Variants in NAV3 observed in about 807,000 individuals in gnomAD.
NAV3 encodes the protein pore membrane and/or filament interacting like protein 1.
Under a neutral mutation model 244.7 loss-of-function variants are expected in NAV3, and 87 were observed. The observed-to-expected ratio is 0.36, with a 90% CI of 0.30 to 0.42. The LOEUF is 0.42. Ranked by LOEUF, NAV3 falls within the 20% of genes least tolerant of loss-of-function variation. NAV3 has a pLI of 1.00. For missense variants in NAV3, 2,663 were observed against 2,893.3 expected (o/e 0.92, Z 1.83); for synonymous variants, 1,126 against 1,042.2 (o/e 1.08, Z -1.55).
At chr12:78,010,669 C>G (rs1405905184) in intron 8 of NAV3, among the ~76,000 whole-genome samples, 4 of 151,930 alleles carry the variant, frequency 2.6e-5, no homozygotes, top group Admixed American at 2.6e-4. Context: ...AGTACACTTG[C>G]AAAATTCTCA....
At chr12:78,126,352 C>A (rs1446769640) in intron 16 of NAV3, among the ~76,000 whole-genome samples, 2 of 152,132 alleles carry the variant, frequency 1.3e-5, no homozygotes, top group Non-Finnish European at 2.9e-5. Context: ...AGCTATAATT[C>A]TGCAATTTTA....
At chr12:77,923,203 G>A (rs1258686695) in intron 1 of NAV3, among the ~76,000 whole-genome samples, 3 of 152,018 alleles carry the variant, frequency 2.0e-5, no homozygotes, top group African/African-American at 7.2e-5. Context: ...TGTCATAGTG[G>A]TATGTGGTAA....
intron 2 of NAV3, among the ~76,000 whole-genome samples, chr12:77,769,630 G>C (rs1452373994): frequency 6.6e-6 from 1 of 152,138 alleles, no homozygotes. Flanking sequence ...TAGTAAACTT[G>C]AGTCATTAAA....
chr12:77,679,141 T>C (rs1429835746), intron 2 of NAV3, among the ~76,000 whole-genome samples: 1 of 152,182 alleles, frequency 6.6e-6, no homozygotes, highest in East Asian at 1.9e-4. Flanking sequence ...ACTCTGGATT[T>C]TTTTTAACCT....
intron 1 of NAV3, among the ~76,000 whole-genome samples, chr12:77,883,404 T>TGGG (rs1882901748): frequency 6.6e-6 from 1 of 151,960 alleles, no homozygotes. Context: ...CACATGGAGA[T>TGGG]AACCATGGGA....
chr12:78,175,218 A>G, intron 24 of NAV3, 88 bp from the exon 25 acceptor site: 1 of 1,437,414 alleles, frequency 7.0e-7, no homozygotes, highest in Non-Finnish European at 9.5e-7. Flanking sequence ...CCTTTATTAG[A>G]GAACTGCCTC....
chr12:77,883,101 A>T (rs1882863432), intron 1 of NAV3, among the ~76,000 whole-genome samples: 1 of 152,152 alleles, frequency 6.6e-6, no homozygotes. Flanking sequence ...CACTCAAAGG[A>T]AAATAAATTA....
chr12:77,690,856 C>A (rs1874978036), intron 2 of NAV3, among the ~76,000 whole-genome samples: 1 of 25,248 alleles, frequency 4.0e-5, no homozygotes. Context: ...TAAAAAGGAG[C>A]ACTTATTCAG....
chr12:77,681,912 T>A (rs1206820352), intron 2 of NAV3, among the ~76,000 whole-genome samples: 1 of 152,252 alleles, frequency 6.6e-6, no homozygotes, highest in Admixed American at 6.5e-5. Context: ...GATGTTTTGA[T>A]ATATTTGCCT....
intron 2 of NAV3, among the ~76,000 whole-genome samples, chr12:77,773,070 T>G (rs1447983837): frequency 2.0e-5 from 3 of 152,196 alleles, no homozygotes; most frequent in Non-Finnish European, 1.5e-5. Flanking sequence ...GGTGCTCTCA[T>G]TGACTACAAG....
At chr12:77,966,139 C>A in intron 3 of NAV3, 90 bp from the exon 4 acceptor site, 1 of 1,070,638 alleles carries the variant, frequency 9.3e-7, no homozygotes, top group Non-Finnish European at 1.4e-6. Context: ...ACTATTCATT[C>A]TTTATCGTTC....
chr12:77,875,526 A>G (rs1333395884), intron 1 of NAV3, among the ~76,000 whole-genome samples: 4 of 152,114 alleles, frequency 2.6e-5, no homozygotes, highest in African/African-American at 9.6e-5. Flanking sequence ...TCGGTTCCTG[A>G]AATACTGCCT....
At chr12:77,953,082 T>C in intron 3 of NAV3, among the ~76,000 whole-genome samples, 2 of 152,278 alleles carry the variant, frequency 1.3e-5, no homozygotes, top group East Asian at 3.9e-4. Flanking sequence ...ATAAATTATA[T>C]TTATAACACT....
intron 12 of NAV3, among the ~76,000 whole-genome samples, chr12:78,066,225 C>T (rs1885005463): frequency 6.6e-6 from 1 of 152,072 alleles, no homozygotes; most frequent in Non-Finnish European, 1.5e-5. Flanking sequence ...CTTCTGAAAA[C>T]ATTACCTTGA....
chr12:78,188,907 A>G (rs1233398796), intron 33 of NAV3, 130 bp downstream of exon 33: 3 of 715,662 alleles, frequency 4.2e-6, no homozygotes, highest in African/African-American at 3.6e-5. Context: ...TTTAAAAATC[A>G]ATATGACTCA....
At chr12:77,679,456 G>A (rs1874350724) in intron 2 of NAV3, among the ~76,000 whole-genome samples, 1 of 152,030 alleles carries the variant, frequency 6.6e-6, no homozygotes, top group African/African-American at 2.4e-5. Flanking sequence ...AAGATGAGTT[G>A]TTCCCTTCTC....
intron 2 of NAV3, among the ~76,000 whole-genome samples, chr12:77,578,844 GCAGCTGCCGACAGAGCTGC>G (rs1332969453): frequency 6.6e-6 from 1 of 151,758 alleles, no homozygotes; most frequent in African/African-American, 2.4e-5. Context: ...ATTGTCCCAA[GCAGCTGCCGACAGAGCTGC>G]CAGTACCTGT....
At chr12:77,746,781 C>T (rs775842158) in intron 2 of NAV3, among the ~76,000 whole-genome samples, 1 of 152,156 alleles carries the variant, frequency 6.6e-6, no homozygotes, top group Non-Finnish European at 1.5e-5. Flanking sequence ...AAGTAGCCAA[C>T]TGGGAACTCT....
At chr12:77,661,503 T>C (rs1459753460) in intron 2 of NAV3, among the ~76,000 whole-genome samples, 1 of 152,100 alleles carries the variant, frequency 6.6e-6, no homozygotes, top group Non-Finnish European at 1.5e-5. Context: ...CTGTGGCTTG[T>C]CTTTTCACTT....
Sources: allele counts gnomAD v4.1 joint callset (sites outside exome capture counted in the v4.1 genomes callset), GRCh38; gene constraint gnomAD v4.1.1; transcripts MANE v1.5; gene names NCBI Gene and HGNC (gene_info 2026-07-23, HGNC 2026-07-21).